ELMOD1: variants seen among roughly 807,000 people sequenced by gnomAD.
ELMOD1 encodes the protein ELMO domain containing 1, also known as ELMO domain-containing protein 1.
A neutral mutation model predicts 46.7 loss-of-function variants in ELMOD1; 21 were observed. The observed-to-expected ratio is 0.45, with a 90% CI of 0.32 to 0.65. The LOEUF is 0.65. Among genes scored for constraint, ELMOD1 ranks in the 30% least tolerant of loss-of-function variants. The pLI is 0.04. For missense variants in ELMOD1, 348 were observed against 407.8 expected, an observed-to-expected ratio of 0.85 and a Z score of 1.26; for synonymous variants, 122 against 138.2, an observed-to-expected ratio of 0.88 and a Z score of 0.82.
chr11:107,655,295 T>G (rs1391174608), intron 10 of ELMOD1, among the ~76,000 whole-genome samples: 2 of 152,210 alleles, frequency 1.3e-5, no homozygotes, highest in Non-Finnish European at 2.9e-5. Context: ...CTGTCTTCTT[T>G]AGGATATTTG....
chr11:107,595,786 A>T (rs1193901879), intron 1 of ELMOD1, among the ~76,000 whole-genome samples: 3 of 152,126 alleles, frequency 2.0e-5, no homozygotes, highest in East Asian at 1.9e-4. Context: ...TATGCAAATT[A>T]AAAAAATAAT....
chr11:107,640,909 A>G (rs1866310085), intron 6 of ELMOD1, among the ~76,000 whole-genome samples: 1 of 152,242 alleles, frequency 6.6e-6, no homozygotes, highest in Admixed American at 6.5e-5. Flanking sequence ...AATTATAGCA[A>G]TTAATCTCAT....
rs191432608 is a variant in ELMOD1, at chr11:107,599,648, G to A, written c.-86+8239G>A. ...TCCCAGCTACTTGGGAGGCTGAGGT[G>A]AGAGAATCACTTGAACCCAGGAGGC... On this transcript the variant is annotated intron_variant, in intron 1 of 11. Coordinates refer to ENST00000265840, the MANE Select transcript of ELMOD1 (RefSeq NM_018712.4). 5.1e-3 allele frequency among the ~76,000 whole-genome samples: 748 copies of A among 146,144 alleles called. 5 individuals are homozygous for A. The highest frequency in any genetic ancestry group is 7.4e-3 in the Middle Eastern group (2 of 270).
chr11:107,601,411 T>A (rs1328809222), intron 1 of ELMOD1, among the ~76,000 whole-genome samples: 6 of 137,230 alleles, frequency 4.4e-5, no homozygotes, highest in Non-Finnish European at 6.5e-5. Flanking sequence ...GTCTATTAAT[T>A]TTTTCTTTTT....
chr11:107,641,963 T>A (rs949706993), intron 6 of ELMOD1, among the ~76,000 whole-genome samples: 2 of 127,774 alleles, frequency 1.6e-5, no homozygotes, highest in South Asian at 2.6e-4. Context: ...TTTTTTTTTT[T>A]AGATGGAGTC....
At chr11:107,604,511 A>G (rs1239408314) in intron 1 of ELMOD1, among the ~76,000 whole-genome samples, 1 of 152,198 alleles carries the variant, frequency 6.6e-6, no homozygotes, top group Admixed American at 6.5e-5. Flanking sequence ...AGTAGGCTTC[A>G]GTCTTGCTAT....
chr11:107,604,569 G>A (rs1865656576), intron 1 of ELMOD1, among the ~76,000 whole-genome samples: 1 of 152,122 alleles, frequency 6.6e-6, no homozygotes, highest in Admixed American at 6.5e-5. Context: ...ACTAAAATTA[G>A]ATGAATTGTA....
chr11:107,606,423 G>A (rs1489699947), intron 1 of ELMOD1, among the ~76,000 whole-genome samples: 1 of 152,122 alleles, frequency 6.6e-6, no homozygotes, highest in Non-Finnish European at 1.5e-5. Flanking sequence ...CTGCTAGGAG[G>A]GCAGGCTTAT....
At chr11:107,630,859 C>A (rs1029867524) in intron 4 of ELMOD1, 131 bp downstream of exon 4, 20 of 890,242 alleles carry the variant, frequency 2.2e-5, no homozygotes, top group Non-Finnish European at 3.1e-5. Flanking sequence ...AAGAAATAAT[C>A]ATTTGCCCAT....
rs915519537 is a variant in ELMOD1, at chr11:107,613,832, A to G, written c.-85-4273A>G. Among the ~76,000 whole-genome samples the G allele has an allele frequency of 2.0e-5, 3 of 152,344 alleles. 1 individual carries two copies. Among genetic ancestry groups the G allele is most frequent in the Admixed American group, 6.5e-5 (1 of 15,298 alleles). On this transcript the variant is annotated intron_variant, in intron 1 of 11. Transcript: ENST00000265840. ...AGCTTTTGTTATGAACAAGTGTCAT[A>G]TATGCTACTTATTTAGTAATTCCTT...
intron 2 of ELMOD1, 84 bp from the exon 3 acceptor site, chr11:107,630,333 G>A: frequency 7.8e-7 from 1 of 1,290,198 alleles, no homozygotes; most frequent in Non-Finnish European, 1.1e-6. Context: ...ATTTTCTCCT[G>A]GGCTTCTTTT....
At chr11:107,650,589 G>A (rs994943117) in intron 8 of ELMOD1, among the ~76,000 whole-genome samples, 186 bp downstream of exon 8, 2 of 152,192 alleles carry the variant, frequency 1.3e-5, no homozygotes, top group Non-Finnish European at 2.9e-5. Flanking sequence ...GATTTAGGAT[G>A]TAAAGTGGCA....
At chr11:107,639,302 T>C (rs932544514) in intron 6 of ELMOD1, among the ~76,000 whole-genome samples, 1 of 152,174 alleles carries the variant, frequency 6.6e-6, no homozygotes, top group Non-Finnish European at 1.5e-5. Flanking sequence ...TTACTAGAGT[T>C]CTGAAGTATT....
chr11:107,637,734 C>T lies in ELMOD1; in HGVS notation c.420+1969C>T, dbSNP rs140359563. On this transcript the variant is annotated intron_variant, in intron 6 of 11. Coordinates refer to ENST00000265840, the MANE Select transcript of ELMOD1 (RefSeq NM_018712.4). ...AAAAAAAAAAATCACTAAATCTTAT[C>T]CATACAGCACCCTAAGGTATCTTTG... is the stretch of plus-strand genomic sequence containing the variant. Among the ~76,000 whole-genome samples the T allele has an allele frequency of 3.1e-3, 474 of 152,092 alleles. 1 individual carries two copies. The highest frequency in any genetic ancestry group is 0.011 in the African/African-American group (467 of 41,482).
chr11:107,592,604 G>T, intron 1 of ELMOD1: 1 of 287,392 alleles, frequency 3.5e-6, no homozygotes. Context: ...AGTTTTCTCG[G>T]GGGTCAGTTT....
intron 1 of ELMOD1, among the ~76,000 whole-genome samples, chr11:107,603,986 CA>C (rs1159129796): frequency 6.6e-6 from 1 of 152,042 alleles, no homozygotes; most frequent in Non-Finnish European, 1.5e-5. Context: ...ACAGAAGCCA[CA>C]AAAAGGGCCT....
At chr11:107,652,353 C>G (rs1389226763) in intron 9 of ELMOD1, among the ~76,000 whole-genome samples, 2 of 152,150 alleles carry the variant, frequency 1.3e-5, no homozygotes, top group African/African-American at 4.8e-5. Flanking sequence ...ATTAAAGTAA[C>G]TTGAGGGATA....
intron 10 of ELMOD1, among the ~76,000 whole-genome samples, chr11:107,655,031 T>A (rs1866601946): frequency 6.6e-6 from 1 of 152,094 alleles, no homozygotes; most frequent in Non-Finnish European, 1.5e-5. Context: ...TTATTTACAT[T>A]TTTCTCATCA....
At chr11:107,606,757 C>G (rs1204249942) in intron 1 of ELMOD1, among the ~76,000 whole-genome samples, 2 of 152,048 alleles carry the variant, frequency 1.3e-5, no homozygotes, top group Non-Finnish European at 2.9e-5. Flanking sequence ...ATTGCTTGAA[C>G]CCAGGAGGCG....
Sources: allele counts gnomAD v4.1 joint callset (sites outside exome capture counted in the v4.1 genomes callset), GRCh38; gene constraint gnomAD v4.1.1; transcripts MANE v1.5; gene names NCBI Gene and HGNC (gene_info 2026-07-23, HGNC 2026-07-21).